Variants in GPHN observed in about 807,000 individuals in gnomAD.
The protein encoded by GPHN is gephyrin.
Under a neutral mutation model 95.5 loss-of-function variants are expected in GPHN, and 17 were observed. That is an observed-to-expected ratio of 0.18 (90% CI 0.12 to 0.27). The LOEUF (loss-of-function observed/expected upper bound fraction) is 0.27, where lower values mean the gene tolerates loss of function less well. GPHN is among the 10% of genes least tolerant of loss of function. GPHN has a pLI of 1.00. For synonymous variants in GPHN, 320 were observed against 322.5 expected (o/e 0.99, Z 0.08); for missense variants, 660 against 978.1 (o/e 0.67, Z 4.34).
the GPHN span, among the ~76,000 whole-genome samples, chr14:67,591,443 T>C: frequency 6.6e-6 from 1 of 152,228 alleles, no homozygotes; most frequent in African/African-American, 2.4e-5. Flanking sequence ...AAATCCTTTG[T>C]GAAAAAGGTC....
At chr14:66,917,841 A>G (rs1056307768) in intron 6 of GPHN, among the ~76,000 whole-genome samples, 2 of 152,158 alleles carry the variant, frequency 1.3e-5, no homozygotes, top group Non-Finnish European at 2.9e-5. Flanking sequence ...GTCTTCACTC[A>G]GGGATCAAAG....
chr14:66,540,622 T>A (rs2059321169), intron 1 of GPHN, among the ~76,000 whole-genome samples: 1 of 152,170 alleles, frequency 6.6e-6, no homozygotes, highest in Non-Finnish European at 1.5e-5. Flanking sequence ...ATAATAGTCT[T>A]GACATAAATT....
intron 2 of GPHN, among the ~76,000 whole-genome samples, chr14:66,775,596 TGTACA>T (rs1293792986): frequency 6.6e-6 from 1 of 152,238 alleles, no homozygotes; most frequent in African/African-American, 2.4e-5. Context: ...TTTACACTTT[TGTACA>T]TCTCAACTCA....
chr14:67,578,769 A>G, the GPHN span: 2 of 681,558 alleles, frequency 2.9e-6, no homozygotes, highest in African/African-American at 1.8e-5. The surrounding 1 kb of genome is among the most constrained non-coding windows in gnomAD (Gnocchi z 5.0). Context: ...GACTTCACCC[A>G]TTGCCGTGTG....
intron 3 of GPHN, among the ~76,000 whole-genome samples, chr14:66,823,796 G>C (rs143448099): frequency 6.6e-6 from 1 of 151,746 alleles, no homozygotes; most frequent in Non-Finnish European, 1.5e-5. Flanking sequence ...AACAGTTATC[G>C]GCAATTAAAT....
the GPHN span, chr14:67,279,235 A>G: frequency 6.2e-7 from 1 of 1,613,042 alleles, no homozygotes; most frequent in Non-Finnish European, 8.5e-7. Flanking sequence ...AAAAATGTTG[A>G]TCTTGCATCA....
the GPHN span, chr14:67,573,655 GAAT>G: frequency 1.5e-6 from 1 of 674,932 alleles, no homozygotes. This position sits in a 1 kb window ranked among gnomAD's most constrained non-coding sequence, Gnocchi z 4.8. Context: ...CCAGAATCTA[GAAT>G]AAGTCACCCA....
intron 9 of GPHN, among the ~76,000 whole-genome samples, chr14:66,978,825 T>C (rs1258299391): frequency 6.6e-6 from 1 of 152,216 alleles, no homozygotes. Flanking sequence ...ATATGGCAAC[T>C]GTATAGCCTT....
At chr14:67,439,178 G>C in the GPHN span, among the ~76,000 whole-genome samples, 1 of 152,198 alleles carries the variant, frequency 6.6e-6, no homozygotes, top group African/African-American at 2.4e-5. Flanking sequence ...CAGTGTCCCC[G>C]TCTGTGAAAT....
intron 2 of GPHN, among the ~76,000 whole-genome samples, chr14:66,691,365 G>A (rs1022928570): frequency 3.3e-5 from 5 of 151,522 alleles, no homozygotes; most frequent in South Asian, 4.2e-4. Context: ...TTGTATTTTC[G>A]GTAGAGACAA....
intron 5 of GPHN, among the ~76,000 whole-genome samples, chr14:66,913,293 T>C (rs554235297): frequency 2.6e-5 from 4 of 152,188 alleles, no homozygotes; most frequent in African/African-American, 9.6e-5. Flanking sequence ...CTCTATGCTT[T>C]TGCATTATTT....
In GPHN at chr14:67,144,251, A is replaced by ATATATG. The variant is rs2080724036; in HGVS notation, c.1836+807_1836+808insGTATAT. Reference sequence around the variant, plus strand: ...GACCCTGTCTTAAAAAAAAAAAAAAATATATATATATATATATATATATAT... The same window carrying ATATATG: ...GACCCTGTCTTAAAAAAAAAAAAAAATATATGTATATATATATATATATATATATAT... On this transcript the variant is annotated intron_variant, in intron 18 of 22. Transcript: ENST00000478722. 4.8e-5 allele frequency among the ~76,000 whole-genome samples: 2 copies of ATATATG among 41,266 alleles called. 1 individual carries two copies. The highest frequency in any genetic ancestry group is 2.3e-4 in the African/African-American group (2 of 8,644). 27.1% of individuals were successfully genotyped at this position (41,266 alleles called of 152,430 possible).
chr14:67,659,776 T>C, the GPHN span: 2 of 1,614,048 alleles, frequency 1.2e-6, no homozygotes, highest in South Asian at 2.2e-5. Context: ...TCATGTCTCC[T>C]CGGCCTCCAG....
At chr14:66,524,386 A>G (rs547856706) in intron 1 of GPHN, among the ~76,000 whole-genome samples, 1 of 152,270 alleles carries the variant, frequency 6.6e-6, no homozygotes, top group Admixed American at 6.5e-5. Context: ...TATGTATAAA[A>G]GGGAAAAGAT....
chr14:67,131,729 G>A (rs2079727750), intron 17 of GPHN, among the ~76,000 whole-genome samples: 1 of 152,110 alleles, frequency 6.6e-6, no homozygotes, highest in Admixed American at 6.6e-5. Context: ...GGCTTGAAAA[G>A]ATCTTACAAA....
intron 1 of GPHN, among the ~76,000 whole-genome samples, chr14:66,565,533 C>T (rs1291456252): frequency 6.6e-6 from 1 of 152,092 alleles, no homozygotes; most frequent in Admixed American, 6.6e-5. Context: ...CTCTTGGGCT[C>T]AAGTGATCCT....
chr14:66,846,315 A>G (rs1199369898), intron 4 of GPHN, among the ~76,000 whole-genome samples: 1 of 152,190 alleles, frequency 6.6e-6, no homozygotes, highest in African/African-American at 2.4e-5. Context: ...TTAATTCACT[A>G]GATACAAAAA....
chr14:67,572,215 G>C, the GPHN span: 1 of 1,609,488 alleles, frequency 6.2e-7, no homozygotes, highest in Non-Finnish European at 8.5e-7. Context: ...TGACTACTCA[G>C]AGCCTGAGCA....
chr14:66,545,997 G>T (rs575090678), intron 1 of GPHN, among the ~76,000 whole-genome samples: 4 of 149,174 alleles, frequency 2.7e-5, no homozygotes, highest in Non-Finnish European at 1.5e-5. Flanking sequence ...GGGGGGAGGG[G>T]CTCCTCACTT....
Sources: allele counts gnomAD v4.1 joint callset (sites outside exome capture counted in the v4.1 genomes callset), GRCh38; gene constraint gnomAD v4.1.1; non-coding constraint Gnocchi (gnomAD v3.1); transcripts MANE v1.5; gene names NCBI Gene and HGNC (gene_info 2026-07-23, HGNC 2026-07-21).